The following DNAH5 variants were observed in gnomAD, a reference collection of about 807,000 sequenced individuals.
The protein encoded by DNAH5 is dynein axonemal heavy chain 5.
Under a neutral mutation model 518.2 loss-of-function variants are expected in DNAH5, and 372 were observed. The ratio of observed to expected loss-of-function variants is 0.72; its 90% confidence interval spans 0.66 to 0.78. The LOEUF is 0.78. DNAH5 is among the 30% of genes least tolerant of loss of function. DNAH5 has a pLI of 0.00. For synonymous variants in DNAH5, 2,039 were observed against 2,025.9 expected (o/e 1.01, Z -0.17); for missense variants, 5,523 against 5,687.0 (o/e 0.97, Z 0.93).
chr5:13,922,064 G>A, intron 5 of DNAH5, 43 bp downstream of exon 5: 3 of 1,588,508 alleles, frequency 1.9e-6, no homozygotes, highest in Non-Finnish European at 2.6e-6. Context: ...TGTGCTTGTT[G>A]ACCACCTGAT....
chr5:13,795,972 A>G (rs1010820037), intron 47 of DNAH5, among the ~76,000 whole-genome samples: 30 of 152,254 alleles, frequency 2.0e-4, no homozygotes, highest in Non-Finnish European at 4.1e-4. Context: ...CAATAGATGC[A>G]GAAAAGGCCT....
At position 13,811,688 on chromosome 5, in the gene DNAH5, T is replaced by TG. The variant is rs2127026526; in HGVS notation, c.7365dup (p.Thr2456HisfsTer5). 1.9e-6 allele frequency: 3 copies of TG among 1,614,178 alleles called. No homozygotes were observed. The highest frequency in any genetic ancestry group is 2.5e-6 in the Non-Finnish European group (3 of 1,180,034). ...CCTTGAAGCATGTTAATGCTCTGTGTGATGACAAAGGCCTCCAGCACCTCC... is the reference window on the plus strand; with the variant it reads ...CCTTGAAGCATGTTAATGCTCTGTGTGGATGACAAAGGCCTCCAGCACCTCC... On this transcript the variant is annotated frameshift_variant, in exon 44 of 79. Coordinates refer to ENST00000265104, the MANE Select transcript of DNAH5 (RefSeq NM_001369.3). LOFTEE classifies it high-confidence loss of function.
intron 56 of DNAH5, among the ~76,000 whole-genome samples, chr5:13,769,951 T>C (rs1252562001): frequency 1.3e-5 from 2 of 152,206 alleles, no homozygotes; most frequent in Non-Finnish European, 2.9e-5. Flanking sequence ...TGCTTAAAGC[T>C]CAGTCATGCA....
Position 13,867,816 on chromosome 5 carries a change from T to C in DNAH5, c.4011A>G (p.Val1337=), listed in dbSNP as rs770033140. 6.2e-7 allele frequency: 1 copy of C among 1,614,056 alleles called. No individual in the cohort carries two copies. Among genetic ancestry groups the C allele is most frequent in the Non-Finnish European group, 8.5e-7 (1 of 1,179,956 alleles). Residue 1337 remains valine, a synonymous_variant, in exon 25 of 79, where the codon GTA becomes GTG. Coordinates refer to ENST00000265104, the MANE Select transcript of DNAH5 (RefSeq NM_001369.3). ...FKKELISAVE[V]FLQDCHQFYL... ...AAAACTGGTGACAATCTTGGAGGAATACCTCCACAGCACTAATAAGCTCTT... is the reference window on the plus strand; with the variant it reads ...AAAACTGGTGACAATCTTGGAGGAACACCTCCACAGCACTAATAAGCTCTT...
chr5:13,987,154 C>T (rs956798340), intron 1 of DNAH5, among the ~76,000 whole-genome samples: 4 of 152,068 alleles, frequency 2.6e-5, no homozygotes, highest in African/African-American at 9.7e-5. Context: ...TATTGATTCT[C>T]CCTCCTCCCC....
At chr5:13,935,735 C>A (rs1778864289) in intron 1 of DNAH5, among the ~76,000 whole-genome samples, 1 of 152,202 alleles carries the variant, frequency 6.6e-6, no homozygotes, top group South Asian at 2.1e-4. Context: ...CCTAACCCTG[C>A]AGCTTTCTGG....
At chr5:13,951,915 T>C (rs1283754796) in intron 1 of DNAH5, among the ~76,000 whole-genome samples, 2 of 152,246 alleles carry the variant, frequency 1.3e-5, no homozygotes, top group Non-Finnish European at 2.9e-5. Flanking sequence ...CCTCTTTGCT[T>C]TTCTCTTGTG....
rs766378867 is a variant in DNAH5 at position 13,916,339 on chromosome 5, T to C, written c.1197+9A>G. The C allele has an allele frequency of 8.8e-6, 12 of 1,358,254 alleles. No individual in the cohort carries two copies. The South Asian group carries it at 9.3e-5, about 11-fold the overall frequency. The allele number at this position is 1,358,254 out of a possible 1,614,324, so 84.1% of individuals were successfully genotyped here. ...ACAAATGAACATGGACTCTACATCA[T>C]GCACTTACCTTTACAAACAGAGATG... On this transcript the variant is annotated intron_variant, in intron 9 of 78. Coordinates refer to ENST00000265104, the MANE Select transcript of DNAH5 (RefSeq NM_001369.3).
chr5:13,735,244 G>A lies in DNAH5; in HGVS notation c.11648C>T (p.Ala3883Val). The A allele has an allele frequency of 6.2e-7, 1 of 1,614,120 alleles. No individual in the cohort carries two copies. Among genetic ancestry groups the A allele is most frequent in the African/African-American group, 1.3e-5 (1 of 75,056 alleles). Reference protein sequence around the residue: ...EHMTYEVYKYAARGLYEEHKF... With the variant: ...EHMTYEVYKYVARGLYEEHKF... ...GTGCTCCTCGTACAGCCCTCGGGCAGCATACTTATAAACCTCGTAGGTCAT... is the reference window on the plus strand; with the variant it reads ...GTGCTCCTCGTACAGCCCTCGGGCAACATACTTATAAACCTCGTAGGTCAT... Residue 3883 changes from alanine to valine, a missense_variant, in exon 68 of 79, where the codon GCT (alanine) becomes GTT (valine). Ala to Val is a moderately conservative substitution (Grantham distance 64). Transcript: ENST00000265104.
At chr5:13,736,065 A>G (rs762250187) in intron 66 of DNAH5, 133 bp from the exon 67 acceptor site, 36 of 701,472 alleles carry the variant, frequency 5.1e-5, no homozygotes, top group Non-Finnish European at 8.6e-5. Flanking sequence ...CAGATACGGG[A>G]TACAAAGCGA....
intron 1 of DNAH5, among the ~76,000 whole-genome samples, chr5:13,997,039 T>G (rs1784014829): frequency 6.6e-6 from 1 of 152,206 alleles, no homozygotes; most frequent in Non-Finnish European, 1.5e-5. Flanking sequence ...CCACAGCTCA[T>G]GCACTCTGGG....
chr5:13,798,009 T>C (rs1459314906), intron 47 of DNAH5, among the ~76,000 whole-genome samples: 1 of 135,090 alleles, frequency 7.4e-6, no homozygotes, highest in Non-Finnish European at 1.5e-5. Flanking sequence ...AACAATGAGA[T>C]CACTTGCACA....
chr5:13,785,832 T>C (rs564585770), intron 52 of DNAH5, among the ~76,000 whole-genome samples: 1 of 152,304 alleles, frequency 6.6e-6, no homozygotes, highest in South Asian at 2.1e-4. Flanking sequence ...ACTATTTTTT[T>C]ATAGGATATT....
Position 13,870,982 on chromosome 5 carries a change from T to G in DNAH5, c.3619A>C (p.Thr1207Pro). ...LYTADLKFAL[T>P]AETKAWMVVI... ...ACCATCCAGGCCTTTGTCTCAGCAG[T>G]CAGGGCGAACTTCAAGTCAGCTGTA... Residue 1207 changes from threonine (T) to proline (P), a missense_variant, in exon 24 of 79, where the codon ACT becomes CCT. Thr to Pro is a conservative substitution (Grantham distance 38, BLOSUM62 -1). Transcript: ENST00000265104. 6.2e-7 allele frequency: 1 copy of G among 1,613,596 alleles called. No individual in the cohort carries two copies. The highest frequency in any genetic ancestry group is 8.5e-7 in the Non-Finnish European group (1 of 1,179,744).
intron 16 of DNAH5, among the ~76,000 whole-genome samples, chr5:13,892,075 T>C (rs1773310769): frequency 6.6e-6 from 1 of 150,672 alleles, no homozygotes; most frequent in Non-Finnish European, 1.5e-5. Flanking sequence ...TAAATACCTT[T>C]ATTTCCTAAA....
At chr5:13,692,159 A>G in intron 78 of DNAH5, 24 bp from the exon 79 acceptor site, 1 of 1,613,490 alleles carries the variant, frequency 6.2e-7, no homozygotes, top group Non-Finnish European at 8.5e-7. Flanking sequence ...AAAAGAAAAG[A>G]ACTTGGTGAA....
chr5:13,934,127 C>A (rs1344385374), intron 1 of DNAH5, among the ~76,000 whole-genome samples: 2 of 152,192 alleles, frequency 1.3e-5, no homozygotes, highest in Non-Finnish European at 2.9e-5. Flanking sequence ...GAGATCTTCA[C>A]CTTCTGCCTT....
intron 37 of DNAH5, 42 bp downstream of exon 37, chr5:13,829,984 T>C (rs1459764826): frequency 6.4e-7 from 1 of 1,572,914 alleles, no homozygotes; most frequent in Non-Finnish European, 8.7e-7. Context: ...AAAATTGTGA[T>C]AAGAAGGCTG....
chr5:13,961,320 C>T (rs185570813), intron 1 of DNAH5, among the ~76,000 whole-genome samples: 2 of 152,146 alleles, frequency 1.3e-5, no homozygotes, highest in African/African-American at 4.8e-5. Flanking sequence ...TTCCTATTCC[C>T]ATTTTCCAAA....
Sources: gnomAD v4.1 joint callset for allele counts (sites outside exome capture counted in the v4.1 genomes callset) on GRCh38, gnomAD v4.1.1 for gene constraint, MANE v1.5 for transcripts, NCBI Gene and HGNC (gene_info 2026-07-23, HGNC 2026-07-21) for gene names.